The following DCBLD1 variants were observed in gnomAD, a reference collection of about 807,000 sequenced individuals.
The protein encoded by DCBLD1 is discoidin, CUB and LCCL domain containing 1, also known as discoidin, CUB and LCCL domain-containing protein 1.
DCBLD1 carries 57 observed loss-of-function variants against 71.5 expected under a neutral mutation model. That is an observed-to-expected ratio of 0.80 (90% CI 0.64 to 0.99). The LOEUF (loss-of-function observed/expected upper bound fraction) is 0.99. Ranked by LOEUF, DCBLD1 falls within the 50% of genes least tolerant of loss-of-function variation. The pLI is 0.00. For missense variants in DCBLD1, 891 were observed against 923.5 expected (o/e 0.96, Z 0.46); for synonymous variants, 380 against 363.8 (o/e 1.04, Z -0.51).
At chr6:117,490,069 A>G (rs111886211) in intron 1 of DCBLD1, among the ~76,000 whole-genome samples, 4,645 of 149,130 alleles carry the variant, frequency 0.031, 85 homozygotes, top group Non-Finnish European at 0.038. Flanking sequence ...GACATGTTTT[A>G]GTTCTATATA....
chr6:117,543,378 G>A (rs749569213), intron 12 of DCBLD1, among the ~76,000 whole-genome samples, 167 bp downstream of exon 12: 17 of 152,104 alleles, frequency 1.1e-4, no homozygotes, highest in African/African-American at 3.9e-4. Context: ...AGAAATGATC[G>A]AGTATTACTT....
intron 1 of DCBLD1, among the ~76,000 whole-genome samples, chr6:117,489,448 A>G (rs558319510): frequency 6.6e-6 from 1 of 152,324 alleles, no homozygotes; most frequent in African/African-American, 2.4e-5. Flanking sequence ...AACCATATCA[A>G]CAATAATTTT....
Position 117,548,386 on chromosome 6 carries a change from C to T in DCBLD1, c.2095C>T (p.Pro699Ser). 1 of 1,550,714 alleles carries T rather than the reference C, an allele frequency of 6.4e-7. No individual in the cohort carries two copies. The highest frequency in any genetic ancestry group is 8.7e-7 in the Non-Finnish European group (1 of 1,147,008). Residue 699 changes from proline (P) to serine (S), a missense_variant, in exon 15 of 15, where the codon CCC becomes TCC. Physicochemically the swap from Pro to Ser is moderately conservative, Grantham distance 74. Transcript: ENST00000338728. ...HPGTSDSYSA[P>S]RDCLTPLNQT... ...CGGGACGAGTGACAGCTATTCTGCC[C>T]CCAGAGACTGCCTCACACCCCTCAA...
intron 1 of DCBLD1, among the ~76,000 whole-genome samples, chr6:117,489,379 C>T (rs1403643991): frequency 1.3e-5 from 2 of 152,144 alleles, no homozygotes; most frequent in African/African-American, 4.8e-5. Flanking sequence ...TCACCAGGCC[C>T]CACCTCCAGC....
At chr6:117,484,571 A>G (rs1184872635) in intron 1 of DCBLD1, among the ~76,000 whole-genome samples, 1 of 151,594 alleles carries the variant, frequency 6.6e-6, no homozygotes, top group Non-Finnish European at 1.5e-5. Context: ...CTGGTTTTGA[A>G]CTCCTGAGCT....
At chr6:117,496,845 C>T (rs1405839594) in intron 1 of DCBLD1, among the ~76,000 whole-genome samples, 1 of 152,146 alleles carries the variant, frequency 6.6e-6, no homozygotes, top group Non-Finnish European at 1.5e-5. Flanking sequence ...GAAATAATCA[C>T]AGTGCATTAC....
chr6:117,496,745 G>T (rs537854571), intron 1 of DCBLD1, among the ~76,000 whole-genome samples: 1 of 152,296 alleles, frequency 6.6e-6, no homozygotes, highest in South Asian at 2.1e-4. Flanking sequence ...CCAAGTTGCA[G>T]GTTAGGACCC....
downstream of DCBLD1, chr6:117,549,831 C>T: frequency 1.0e-6 from 1 of 985,380 alleles, no homozygotes; most frequent in Non-Finnish European, 1.2e-6. Flanking sequence ...GCCCTGCTCG[C>T]TGGGGTGTTA....
intron 2 of DCBLD1, among the ~76,000 whole-genome samples, chr6:117,515,048 C>G (rs1404130821): frequency 7.2e-6 from 1 of 138,042 alleles, no homozygotes. Context: ...GAGACGGAGT[C>G]TTGTTCTATC....
intron 14 of DCBLD1, among the ~76,000 whole-genome samples, chr6:117,565,367 A>G (rs1779675254): frequency 6.6e-6 from 1 of 152,198 alleles, no homozygotes. Context: ...GATAACTGTC[A>G]GTATTGTTCT....
chr6:117,518,039 A>C (rs1778261263), intron 2 of DCBLD1, among the ~76,000 whole-genome samples: 1 of 152,134 alleles, frequency 6.6e-6, no homozygotes, highest in African/African-American at 2.4e-5. Context: ...TTTCTATCGC[A>C]CTGTCAGGCT....
Position 117,483,701 on chromosome 6 carries a change from CT to C in DCBLD1, c.112+820del, listed in dbSNP as rs71717606. On this transcript the variant is annotated intron_variant, in intron 1 of 14. Transcript: ENST00000338728. ...TTTCATTCGTCCTCATTAATTAGTG[CT>C]TTTTTTTTTTTAATAGCAAGGGCCA... Among the ~76,000 whole-genome samples the C allele has an allele frequency of 1.7e-3, 248 of 146,242 alleles. 1 individual carries two copies. The highest frequency in any genetic ancestry group is 1.8e-3 in the Admixed American group (26 of 14,662).
rs758325884 is a variant in DCBLD1, at chr6:117,496,250, GTAT to G, written c.113-7510_113-7508del. 4.0e-5 allele frequency among the ~76,000 whole-genome samples: 6 copies of G among 151,860 alleles called. No individual in the cohort carries two copies. In the East Asian group the frequency reaches 7.7e-4, roughly 20 times the overall value. On this transcript the variant is annotated intron_variant, in intron 1 of 14. Transcript: ENST00000338728. Reference sequence around the variant, plus strand: ...GATAGCTGTAACTTCTTTCAGCATAGTATTATTATCCATATTCCTTTCAGAAAA... The same window carrying G: ...GATAGCTGTAACTTCTTTCAGCATAGTATTATCCATATTCCTTTCAGAAAA...
chr6:117,499,000 A>G (rs1777559622), intron 1 of DCBLD1, among the ~76,000 whole-genome samples: 1 of 152,180 alleles, frequency 6.6e-6, no homozygotes, highest in African/African-American at 2.4e-5. Flanking sequence ...TAAATCTAAA[A>G]TAAACACTTT....
intron 1 of DCBLD1, among the ~76,000 whole-genome samples, chr6:117,490,166 GT>G (rs1414652257): frequency 6.6e-6 from 1 of 151,154 alleles, no homozygotes; most frequent in Non-Finnish European, 1.5e-5. Context: ...ATTTACTATT[GT>G]TTTTATTAAA....
chr6:117,509,172 C>G (rs1365259667), intron 2 of DCBLD1, among the ~76,000 whole-genome samples: 1 of 152,178 alleles, frequency 6.6e-6, no homozygotes, highest in Non-Finnish European at 1.5e-5. Flanking sequence ...CATCTCATAC[C>G]TGTAATCTCA....
In DCBLD1 at chr6:117,549,140, G is replaced by A. The variant is rs534607905; in HGVS notation, c.*701G>A. Reference sequence around the variant, plus strand: ...TAGTCTCCACTTCAGAGGGGGATGCGAAGAGGTCGGCCCAGCTCCGGTGAC... The same window carrying A: ...TAGTCTCCACTTCAGAGGGGGATGCAAAGAGGTCGGCCCAGCTCCGGTGAC... On this transcript the variant is annotated 3_prime_UTR_variant, in exon 15 of 15. Coordinates refer to ENST00000338728, the MANE Select transcript of DCBLD1 (RefSeq NM_001366458.2). 44 of 985,604 alleles carry A rather than the reference G, an allele frequency of 4.5e-5. No homozygotes were observed. The South Asian group carries it at 1.7e-3, about 39-fold the overall frequency. The allele number at this position is 985,604 out of a possible 1,614,324, so 61.1% of individuals were successfully genotyped here.
chr6:117,486,580 C>G (rs1378556095), intron 1 of DCBLD1, among the ~76,000 whole-genome samples: 1 of 152,226 alleles, frequency 6.6e-6, no homozygotes, highest in East Asian at 1.9e-4. Context: ...AAATGACAAG[C>G]ACTGTTCTAC....
downstream of DCBLD1, among the ~76,000 whole-genome samples, chr6:117,552,778 C>T (rs1300662552): frequency 6.6e-6 from 1 of 152,134 alleles, no homozygotes; most frequent in Non-Finnish European, 1.5e-5. Context: ...CAGCAAGAAC[C>T]CCAGCACTGT....
Sources: gnomAD v4.1 joint callset for allele counts (sites outside exome capture counted in the v4.1 genomes callset) on GRCh38, gnomAD v4.1.1 for gene constraint, MANE v1.5 for transcripts, NCBI Gene and HGNC (gene_info 2026-07-23, HGNC 2026-07-21) for gene names.